The following NBAS variants were observed in gnomAD, a reference collection of about 807,000 sequenced individuals.
NBAS encodes NAG/BC035112 fusion.
A neutral mutation model predicts 302.5 loss-of-function variants in NBAS; 219 were observed. The observed-to-expected ratio is 0.72, with a 90% CI of 0.65 to 0.81. The LOEUF (loss-of-function observed/expected upper bound fraction) is 0.81, where lower values mean the gene tolerates loss of function less well. Ranked by LOEUF, NBAS falls within the 30% of genes least tolerant of loss-of-function variation. NBAS has a pLI of 0.00. For missense variants in NBAS, 2,932 were observed against 2,841.6 expected, an observed-to-expected ratio of 1.03 and a Z score of -0.72; for synonymous variants, 1,118 against 1,021.6, an observed-to-expected ratio of 1.09 and a Z score of -1.80.
At chr2:14,812,829 T>C in the NBAS span, among the ~76,000 whole-genome samples, 2 of 152,150 alleles carry the variant, frequency 1.3e-5, no homozygotes, top group Non-Finnish European at 2.9e-5. Context: ...AATCGCGTGT[T>C]GATTTGTGAT....
intron 34 of NBAS, among the ~76,000 whole-genome samples, chr2:15,352,340 G>C (rs1028404518): frequency 6.6e-5 from 10 of 152,164 alleles, no homozygotes; most frequent in African/African-American, 2.4e-4. Flanking sequence ...GTTCAGGTCT[G>C]GAACAGCCTC....
At chr2:15,437,817 G>T (rs1348782904) in intron 21 of NBAS, among the ~76,000 whole-genome samples, 1 of 152,068 alleles carries the variant, frequency 6.6e-6, no homozygotes, top group Non-Finnish European at 1.5e-5. Context: ...AAATAGACCA[G>T]AAAATAGATG....
At chr2:15,353,782 T>C in intron 33 of NBAS, 72 bp from the exon 34 acceptor site, 3 of 1,594,818 alleles carry the variant, frequency 1.9e-6, no homozygotes, top group Non-Finnish European at 2.6e-6. Flanking sequence ...ACAAATGCAA[T>C]GGCTTCCTGC....
intron 21 of NBAS, among the ~76,000 whole-genome samples, chr2:15,428,476 T>C (rs1677588695): frequency 6.6e-6 from 1 of 152,100 alleles, no homozygotes; most frequent in Non-Finnish European, 1.5e-5. Flanking sequence ...ACACCTGTAA[T>C]TCCAACACTT....
intron 38 of NBAS, among the ~76,000 whole-genome samples, chr2:15,321,677 C>A (rs1671813210): frequency 6.6e-6 from 1 of 152,164 alleles, no homozygotes; most frequent in East Asian, 1.9e-4. Flanking sequence ...AAATGCAAAT[C>A]AAAACCACAA....
intron 36 of NBAS, 89 bp from the exon 37 acceptor site, chr2:15,328,401 A>C: frequency 9.0e-7 from 1 of 1,108,262 alleles, no homozygotes; most frequent in Non-Finnish European, 1.4e-6. Flanking sequence ...GAAGGGAGAG[A>C]GGGAGGAAGA....
Position 15,330,606 on chromosome 2 carries a change from G to A in NBAS, c.4339C>T (p.Pro1447Ser). Residue 1447 changes from proline (P) to serine (S), a missense_variant, in exon 36 of 52, where the codon CCC (proline) becomes TCC (serine). Pro to Ser is a moderately conservative substitution (Grantham distance 74, BLOSUM62 -1). Transcript: ENST00000281513. ...WWKKSLTYLR[P>S]LQGQKCGGAY... ...AAAGATGCACTGCTTACCTGAAGGG[G>A]TCGAAGGTAAGTTAAAGACTTCTTC... The A allele has an allele frequency of 1.9e-6, 3 of 1,613,806 alleles. No individual in the cohort carries two copies. The highest frequency in any genetic ancestry group is 2.2e-5 in the South Asian group (2 of 91,066).
chr2:15,306,769 T>C (rs1276592691), intron 40 of NBAS, among the ~76,000 whole-genome samples: 4 of 152,104 alleles, frequency 2.6e-5, no homozygotes, highest in Admixed American at 1.3e-4. Flanking sequence ...AAATCTTTTT[T>C]TTTTTTTTTT....
At chr2:15,522,122 A>G (rs1662700170) in intron 9 of NBAS, among the ~76,000 whole-genome samples, 1 of 152,252 alleles carries the variant, frequency 6.6e-6, no homozygotes, top group Non-Finnish European at 1.5e-5. Flanking sequence ...GAGGATTTTT[A>G]AGTAGAGAAG....
intron 44 of NBAS, among the ~76,000 whole-genome samples, chr2:15,269,519 A>G (rs1462119371): frequency 3.3e-5 from 5 of 152,174 alleles, no homozygotes; most frequent in African/African-American, 1.2e-4. Context: ...TAAAATTGGA[A>G]CTTTCAAGCA....
the NBAS span, among the ~76,000 whole-genome samples, chr2:14,856,748 T>G: frequency 6.6e-6 from 1 of 151,480 alleles, no homozygotes; most frequent in Non-Finnish European, 1.5e-5. Context: ...TAATTGAAAA[T>G]ACACAGAGGA....
chr2:15,525,032 C>T (rs1662853255), intron 9 of NBAS, among the ~76,000 whole-genome samples: 1 of 152,164 alleles, frequency 6.6e-6, no homozygotes, highest in Admixed American at 6.5e-5. Flanking sequence ...TGCAAAAACA[C>T]AATATATTCA....
chr2:15,096,299 G>A, the NBAS span, among the ~76,000 whole-genome samples: 3 of 152,168 alleles, frequency 2.0e-5, no homozygotes, highest in South Asian at 4.1e-4. Flanking sequence ...ACTGGTCAAA[G>A]AGAGACAGAG....
the NBAS span, among the ~76,000 whole-genome samples, chr2:14,801,192 G>A: frequency 6.6e-6 from 1 of 152,060 alleles, no homozygotes; most frequent in South Asian, 2.1e-4. Context: ...ATTCATTGGT[G>A]TTTGTTTTGG....
At chr2:15,141,796 TC>T in the NBAS span, among the ~76,000 whole-genome samples, 2 of 151,992 alleles carry the variant, frequency 1.3e-5, no homozygotes, top group African/African-American at 4.8e-5. Flanking sequence ...TCATACCCTT[TC>T]CCCCAATAAA....
the NBAS span, among the ~76,000 whole-genome samples, chr2:15,073,410 A>G: frequency 6.8e-6 from 1 of 147,842 alleles, no homozygotes; most frequent in Admixed American, 6.8e-5. Flanking sequence ...TGGGAGGCAG[A>G]GGTTGCAGTG....
chr2:14,875,278 A>G, the NBAS span, among the ~76,000 whole-genome samples: 1 of 152,244 alleles, frequency 6.6e-6, no homozygotes, highest in Admixed American at 6.5e-5. Flanking sequence ...GTACTCTTAC[A>G]CAACAAATGA....
At chr2:15,528,899 G>GTGTGTGTATATATATATA (rs371520377) in intron 9 of NBAS, among the ~76,000 whole-genome samples, 2 of 122,246 alleles carry the variant, frequency 1.6e-5, no homozygotes, top group African/African-American at 6.2e-5. Flanking sequence ...ATATATATAT[G>GTGTGTGTATATATATATA]TGTGTATATA....
At chr2:14,900,182 G>A in the NBAS span, among the ~76,000 whole-genome samples, 1 of 148,712 alleles carries the variant, frequency 6.7e-6, no homozygotes, top group South Asian at 2.1e-4. Flanking sequence ...TTGCTCAGCT[G>A]CTTTTCTCTC....
Sources: allele counts gnomAD v4.1 joint callset (sites outside exome capture counted in the v4.1 genomes callset), GRCh38; gene constraint gnomAD v4.1.1; transcripts MANE v1.5; gene names NCBI Gene and HGNC (gene_info 2026-07-23, HGNC 2026-07-21).